CSMD1: variants seen among roughly 807,000 people sequenced by gnomAD.
CSMD1 encodes the protein CUB and sushi domain-containing protein 1.
CSMD1 carries 213 observed loss-of-function variants against 417.5 expected under a neutral mutation model. That is an observed-to-expected ratio of 0.51 (90% CI 0.46 to 0.57). The LOEUF is 0.57. CSMD1 is among the 20% of genes least tolerant of loss of function. The probability of loss-of-function intolerance (pLI) is 0.00; values close to 1 mark genes in which losing one functional copy is unlikely to be tolerated. For synonymous variants in CSMD1, 2,862 were observed against 1,736.8 expected (o/e 1.65, Z -16.11); for missense variants, 6,923 against 4,529.7 (o/e 1.53, Z -15.17).
At chr8:3,660,246 G>A (rs1420301193) in intron 7 of CSMD1, among the ~76,000 whole-genome samples, 1 of 152,054 alleles carries the variant, frequency 6.6e-6, no homozygotes, top group African/African-American at 2.4e-5. Context: ...TACTGTCTGT[G>A]GGATCTTGTA....
In CSMD1 at chr8:4,595,307, G is replaced by T. The variant is rs1381277110; in HGVS notation, c.302+42035C>A. Among the ~76,000 whole-genome samples the T allele has an allele frequency of 2.1e-5, 3 of 140,874 alleles. No individual in the cohort carries two copies. The Admixed American group carries it at 2.2e-4, about 10-fold the overall frequency. 92.4% of individuals were successfully genotyped at this position (140,874 alleles called of 152,430 possible). On this transcript the variant is annotated intron_variant, in intron 2 of 69. Transcript: ENST00000635120. ...ATAAAAAGGAAAGAGTAGATAAAGG[G>T]TGATTTCTAAGGCAAAGGATAATCA...
In CSMD1 at chr8:4,397,163, C is replaced by G. The variant is rs543816864; in HGVS notation, c.415+22790G>C. Among the ~76,000 whole-genome samples, 97 of 152,254 alleles carry G rather than the reference C, an allele frequency of 6.4e-4. 1 individual carries two copies. Among genetic ancestry groups the G allele is most frequent in the African/African-American group, 2.1e-3 (88 of 41,532 alleles). ...GAGCAATCACTCTCATTTCTACGTC[C>G]ATGCATGATGATCAACATGTATGTG... On this transcript the variant is annotated intron_variant, in intron 3 of 69. Coordinates refer to ENST00000635120, the MANE Select transcript of CSMD1 (RefSeq NM_033225.6).
intron 5 of CSMD1, among the ~76,000 whole-genome samples, chr8:3,870,719 C>A (rs1236711193): frequency 1.3e-5 from 2 of 151,940 alleles, no homozygotes; most frequent in Non-Finnish European, 2.9e-5. Flanking sequence ...TTTATATATT[C>A]TCCTCTGTTA....
At chr8:4,722,906 G>T (rs968270066) in intron 1 of CSMD1, among the ~76,000 whole-genome samples, 1 of 152,092 alleles carries the variant, frequency 6.6e-6, no homozygotes, top group Non-Finnish European at 1.5e-5. Context: ...AGATCTTACT[G>T]CTATTTTCTA....
chr8:2,936,890 C>T lies in CSMD1; in HGVS notation c.*1695G>A, dbSNP rs1801522851. On this transcript the variant is annotated 3_prime_UTR_variant, in exon 70 of 70. Coordinates refer to ENST00000635120, the MANE Select transcript of CSMD1 (RefSeq NM_033225.6). The stretch of plus-strand genomic sequence containing the variant: ...TCTTAAAGCTAGGTGTCAATGTGTT[C>T]ACTCCGACAACGTGAAGGCCAATTT... 6.6e-6 allele frequency: 1 copy of T among 152,210 alleles called. No individual in the cohort carries two copies. Among genetic ancestry groups the T allele is most frequent in the South Asian group, 2.1e-4 (1 of 4,834 alleles). The allele number at this position is 152,210 out of a possible 1,614,324, so 9.4% of individuals were successfully genotyped here.
chr8:4,694,408 G>A (rs1201941985), intron 1 of CSMD1, among the ~76,000 whole-genome samples: 1 of 151,996 alleles, frequency 6.6e-6, no homozygotes, highest in African/African-American at 2.4e-5. Context: ...CTAGAGTGCA[G>A]TCGTGTGATC....
chr8:4,652,886 G>T (rs1339673592), intron 1 of CSMD1, among the ~76,000 whole-genome samples: 1 of 151,444 alleles, frequency 6.6e-6, no homozygotes, highest in Non-Finnish European at 1.5e-5. Flanking sequence ...GCTCCTGTAA[G>T]AATCTAACGC....
At chr8:4,141,363 G>C (rs935713648) in intron 3 of CSMD1, among the ~76,000 whole-genome samples, 2 of 151,190 alleles carry the variant, frequency 1.3e-5, no homozygotes. Flanking sequence ...CATGAAGCTT[G>C]TATGCTCCAA....
At chr8:3,649,528 G>A (rs763180056) in intron 7 of CSMD1, among the ~76,000 whole-genome samples, 4 of 152,114 alleles carry the variant, frequency 2.6e-5, no homozygotes, top group Admixed American at 6.5e-5. Context: ...GGGAAGCAAG[G>A]CACCTTCTTC....
chr8:4,109,583 C>T (rs774026425), intron 3 of CSMD1, among the ~76,000 whole-genome samples: 15 of 152,078 alleles, frequency 9.9e-5, no homozygotes, highest in African/African-American at 2.4e-4. Context: ...TCTGGAACTA[C>T]GCAGGAGCAT....
chr8:4,002,035 G>A (rs542725561), intron 4 of CSMD1, among the ~76,000 whole-genome samples: 2 of 152,252 alleles, frequency 1.3e-5, no homozygotes, highest in Non-Finnish European at 2.9e-5. Flanking sequence ...TGTTTGTATA[G>A]CACTCCACAT....
chr8:3,698,960 G>A (rs1800703781), intron 7 of CSMD1, among the ~76,000 whole-genome samples: 1 of 152,272 alleles, frequency 6.6e-6, no homozygotes, highest in East Asian at 1.9e-4. Flanking sequence ...CAGGCATCCA[G>A]GCTGATGAAG....
chr8:4,128,524 C>T (rs1387793908), intron 3 of CSMD1, among the ~76,000 whole-genome samples: 1 of 152,082 alleles, frequency 6.6e-6, no homozygotes, highest in Non-Finnish European at 1.5e-5. Context: ...CTTACTCAAA[C>T]CCCCTCCTAT....
At chr8:3,330,355 T>A (rs1407266097) in intron 23 of CSMD1, among the ~76,000 whole-genome samples, 2 of 152,140 alleles carry the variant, frequency 1.3e-5, no homozygotes, top group Non-Finnish European at 2.9e-5. Context: ...TAAGTGCCCA[T>A]CAGCGAGAGA....
At chr8:4,101,283 A>C (rs1317262982) in intron 3 of CSMD1, among the ~76,000 whole-genome samples, 1 of 152,206 alleles carries the variant, frequency 6.6e-6, no homozygotes, top group African/African-American at 2.4e-5. Flanking sequence ...GTGTTCTTCC[A>C]AACTCCCATG....
intron 2 of CSMD1, among the ~76,000 whole-genome samples, chr8:4,562,426 A>G (rs930500335): frequency 9.2e-5 from 14 of 152,222 alleles, no homozygotes; most frequent in Non-Finnish European, 1.5e-4. Flanking sequence ...TTCTTTAATC[A>G]GAAGAAGTTG....
chr8:3,588,390 A>T (rs553663172), intron 8 of CSMD1, among the ~76,000 whole-genome samples: 25 of 152,316 alleles, frequency 1.6e-4, no homozygotes, highest in African/African-American at 5.8e-4. Flanking sequence ...GGGTAGGAAG[A>T]GTTGGAATTT....
intron 2 of CSMD1, among the ~76,000 whole-genome samples, chr8:4,573,876 G>C (rs547088423): frequency 2.0e-5 from 3 of 152,280 alleles, no homozygotes; most frequent in South Asian, 2.1e-4. Flanking sequence ...CCGTGCAGTG[G>C]TGCGTTCTGC....
chr8:3,132,143 G>A (rs565968600), intron 41 of CSMD1, among the ~76,000 whole-genome samples: 1 of 152,274 alleles, frequency 6.6e-6, no homozygotes, highest in Non-Finnish European at 1.5e-5. Flanking sequence ...CCTGCTCTGC[G>A]AGGCCACCCA....
Sources: allele counts gnomAD v4.1 joint callset (sites outside exome capture counted in the v4.1 genomes callset), GRCh38; gene constraint gnomAD v4.1.1; transcripts MANE v1.5; gene names NCBI Gene and HGNC (gene_info 2026-07-23, HGNC 2026-07-21).